YWHAB: variants seen among roughly 807,000 people sequenced by gnomAD.
YWHAB encodes tyrosine 3-monooxygenase/tryptophan 5-monooxygenase activation protein beta.
A neutral mutation model predicts 28.5 loss-of-function variants in YWHAB; 2 were observed. The observed-to-expected ratio is 0.07, with a 90% confidence interval of 0.03 to 0.22. The LOEUF is 0.22. Ranked by LOEUF, YWHAB falls within the 10% of genes least tolerant of loss-of-function variation. The pLI is 1.00. For synonymous variants in YWHAB, 103 were observed against 104.7 expected (o/e 0.98, Z 0.10); for missense variants, 148 against 297.1 (o/e 0.50, Z 3.69).
At chr20:44,901,297 A>T (rs1357494707) in intron 1 of YWHAB, among the ~76,000 whole-genome samples, 2 of 152,130 alleles carry the variant, frequency 1.3e-5, no homozygotes, top group African/African-American at 4.8e-5. Context: ...TTATGAACAT[A>T]CCTACTCTGG....
intron 1 of YWHAB, among the ~76,000 whole-genome samples, chr20:44,900,809 T>G (rs979569540): frequency 6.6e-6 from 1 of 152,170 alleles, no homozygotes; most frequent in Non-Finnish European, 1.5e-5. Context: ...GGAGTCTCAC[T>G]CTGTTGCCCA....
rs761703648 is a variant in YWHAB at position 44,906,124 on chromosome 20, G to T, written c.684+28G>T. ...AAGTACTACTTCCACAGGGTTTATAGTCTCTTTCCTATTCACCTACTTAAT... is the reference window on the plus strand; with the variant it reads ...AAGTACTACTTCCACAGGGTTTATATTCTCTTTCCTATTCACCTACTTAAT... On this transcript the variant is annotated intron_variant, in intron 5 of 5. Coordinates refer to ENST00000353703, the MANE Select transcript of YWHAB (RefSeq NM_139323.4). 5 of 1,527,330 alleles carry T rather than the reference G, an allele frequency of 3.3e-6. No individual in the cohort carries two copies. The South Asian group carries it at 5.7e-5, about 17-fold the overall frequency. 94.6% of individuals were successfully genotyped at this position (1,527,330 alleles called of 1,614,324 possible).
intron 1 of YWHAB, among the ~76,000 whole-genome samples, chr20:44,896,092 C>T (rs559166908): frequency 1.3e-5 from 2 of 152,278 alleles, no homozygotes; most frequent in South Asian, 4.1e-4. Flanking sequence ...CAGGTATCAG[C>T]GAAATGCTTT....
chr20:44,894,797 G>T (rs1438783996), intron 1 of YWHAB, among the ~76,000 whole-genome samples: 1 of 152,202 alleles, frequency 6.6e-6, no homozygotes, highest in Non-Finnish European at 1.5e-5. Context: ...GGAAGGCTGA[G>T]ATTTAACATG....
intron 2 of YWHAB, chr20:44,903,033 C>CA: frequency 1.0e-6 from 1 of 986,008 alleles, no homozygotes; most frequent in Non-Finnish European, 1.2e-6. Flanking sequence ...GCCTCTTAAC[C>CA]AGTTTTTCAG....
chr20:44,896,028 T>C (rs2066593807), intron 1 of YWHAB, among the ~76,000 whole-genome samples: 1 of 152,108 alleles, frequency 6.6e-6, no homozygotes, highest in South Asian at 2.1e-4. Flanking sequence ...GGAAGGGAAA[T>C]AGGAGACACT....
Position 44,886,862 on chromosome 20 carries a change from C to G in YWHAB, c.-4+976C>G, listed in dbSNP as rs945604217. ...TCTTGTCGTTGCCTTCATTGCATTT[C>G]TCTTTGGTAAGGCTAGATAGCATCA... On this transcript the variant is annotated intron_variant, in intron 1 of 5. Transcript: ENST00000353703. The G allele has an allele frequency of 3.9e-5, 6 of 152,346 alleles. No individual in the cohort carries two copies. The East Asian group carries it at 1.2e-3, about 29-fold the overall frequency. The allele number at this position is 152,346 out of a possible 1,614,324, so 9.4% of individuals were successfully genotyped here.
chr20:44,906,539 G>A lies in YWHAB; in HGVS notation c.*101G>A, dbSNP rs983403898. ...AAAAAAAAAAAAAAGAGAATCGTAC[G>A]TCGACTTTCGATTTTTCACAGCCTC... On this transcript the variant is annotated 3_prime_UTR_variant, in exon 6 of 6. Coordinates refer to ENST00000353703, the MANE Select transcript of YWHAB (RefSeq NM_139323.4). 9.2e-6 allele frequency: 10 copies of A among 1,090,278 alleles called. No individual in the cohort carries two copies. Among genetic ancestry groups the A allele is most frequent in the Admixed American group, 2.6e-5 (1 of 37,906 alleles). 67.5% of individuals were successfully genotyped at this position (1,090,278 alleles called of 1,614,324 possible).
chr20:44,893,667 T>C, intron 1 of YWHAB, among the ~76,000 whole-genome samples: 1 of 150,602 alleles, frequency 6.6e-6, no homozygotes, highest in Non-Finnish European at 1.5e-5. Context: ...CGTAATCTTG[T>C]ACCATCTATC....
Position 44,906,466 on chromosome 20 carries a change from G to C in YWHAB, c.*28G>C, listed in dbSNP as rs754253800. On this transcript the variant is annotated 3_prime_UTR_variant, in exon 6 of 6. Transcript: ENST00000353703. ...TTTCTCGTGCTTTGTGATCTGTTCA[G>C]TGTCACTCTGTACCCTCAACATATA... is the stretch of plus-strand genomic sequence containing the variant. The C allele has an allele frequency of 6.8e-7, 1 of 1,462,854 alleles. No homozygotes were observed. Among genetic ancestry groups the C allele is most frequent in the East Asian group, 2.6e-5 (1 of 39,116 alleles). 90.6% of individuals were successfully genotyped at this position (1,462,854 alleles called of 1,614,324 possible).
chr20:44,900,031 A>G (rs2066617504), intron 1 of YWHAB, among the ~76,000 whole-genome samples: 1 of 151,950 alleles, frequency 6.6e-6, no homozygotes. Flanking sequence ...CAGGCCCACT[A>G]AAAGAGTTGG....
intron 1 of YWHAB, among the ~76,000 whole-genome samples, chr20:44,894,931 A>G (rs1278170008): frequency 2.0e-5 from 3 of 152,246 alleles, no homozygotes; most frequent in Admixed American, 6.5e-5. Context: ...GAAAAACTTG[A>G]TATTCATTTG....
At chr20:44,889,194 A>G (rs1432388251) in intron 1 of YWHAB, among the ~76,000 whole-genome samples, 2 of 152,212 alleles carry the variant, frequency 1.3e-5, no homozygotes, top group African/African-American at 4.8e-5. Context: ...CTATGTGAAT[A>G]TGATCTTAGC....
intron 1 of YWHAB, among the ~76,000 whole-genome samples, chr20:44,893,646 T>A (rs2066576860): frequency 6.6e-6 from 1 of 151,900 alleles, no homozygotes; most frequent in Non-Finnish European, 1.5e-5. Context: ...AATCTCTTCT[T>A]TTGATGGCCA....
chr20:44,896,100 T>G lies in YWHAB; in HGVS notation c.-3-5431T>G, dbSNP rs541612478. 7.2e-5 allele frequency among the ~76,000 whole-genome samples: 11 copies of G among 152,378 alleles called. No homozygotes were observed. In the South Asian group the frequency reaches 2.3e-3, roughly 32 times the overall value. ...ACATTGACAGGTATCAGCGAAATGC[T>G]TTGTGAGAATATATTCATTAGAGCA... On this transcript the variant is annotated intron_variant, in intron 1 of 5. Transcript: ENST00000353703.
In YWHAB at chr20:44,901,723, A is replaced by G. The variant is rs746774284; in HGVS notation, c.190A>G (p.Ile64Val). 6.2e-7 allele frequency: 1 copy of G among 1,614,164 alleles called. No individual in the cohort carries two copies. The highest frequency in any genetic ancestry group is 1.7e-5 in the Admixed American group (1 of 60,022). Residue 64 changes from isoleucine to valine, a missense_variant, in exon 2 of 6, where the codon ATC becomes GTC. By Grantham distance (29) the Ile-to-Val change is conservative. Transcript: ENST00000353703. ...CGCCCGCCGCTCTTCCTGGCGTGTC[A>G]TCTCCAGCATTGAGCAGAAAACAGA... Reference protein sequence around the residue: ...VGARRSSWRVISSIEQKTERN... With the variant: ...VGARRSSWRVVSSIEQKTERN...
At chr20:44,904,911 A>G in intron 3 of YWHAB, 57 bp from the exon 4 acceptor site, 1 of 1,495,398 alleles carries the variant, frequency 6.7e-7, no homozygotes, top group Non-Finnish European at 8.9e-7. Flanking sequence ...TAGTTGGTCC[A>G]ATGTGTGATA....
chr20:44,898,516 C>CT (rs936619868), intron 1 of YWHAB, among the ~76,000 whole-genome samples: 133 of 145,894 alleles, frequency 9.1e-4, no homozygotes, highest in East Asian at 7.1e-3. Flanking sequence ...TTTTTTTTTC[C>CT]TTTTTTTTTT....
intron 1 of YWHAB, among the ~76,000 whole-genome samples, chr20:44,888,503 A>G (rs2145521805): frequency 6.6e-6 from 1 of 152,336 alleles, no homozygotes; most frequent in South Asian, 2.1e-4. Context: ...AAACCAGGTG[A>G]TCTGGTTCTG....
Sources: allele counts gnomAD v4.1 joint callset (sites outside exome capture counted in the v4.1 genomes callset), GRCh38; gene constraint gnomAD v4.1.1; transcripts MANE v1.5; gene names NCBI Gene and HGNC (gene_info 2026-07-23, HGNC 2026-07-21).